The following UGT2B4 variants were observed in gnomAD, a reference collection of about 807,000 sequenced individuals.
UGT2B4 encodes UDP-glucuronosyltransferase 2B4.
A neutral mutation model predicts 49.8 loss-of-function variants in UGT2B4; 49 were observed. The ratio of observed to expected loss-of-function variants is 0.98; its 90% CI spans 0.78 to 1.25. UGT2B4 has a LOEUF of 1.25. Among genes scored for constraint, UGT2B4 ranks in the 50% most tolerant of loss-of-function variants. The pLI, the probability that UGT2B4 is intolerant of heterozygous loss-of-function variation, is 0.00. For missense variants in UGT2B4, 729 were observed against 627.7 expected (o/e 1.16, Z -1.73); for synonymous variants, 246 against 217.7 (o/e 1.13, Z -1.14).
In UGT2B4 at chr4:69,493,557, C is replaced by T. The variant is rs1394693134; in HGVS notation, c.870+136G>A. On this transcript the variant is annotated intron_variant, in intron 2 of 5. Transcript: ENST00000305107. Reference sequence around the variant, plus strand: ...AAACTTGTGATAGTATCAACATGTACGTCAGTTTCTAATTGGTATCTGCTT... The same window carrying T: ...AAACTTGTGATAGTATCAACATGTATGTCAGTTTCTAATTGGTATCTGCTT... 1.4e-5 allele frequency: 14 copies of T among 1,009,130 alleles called. No individual in the cohort carries two copies. The Admixed American group carries it at 1.9e-4, about 14-fold the overall frequency. The allele number at this position is 1,009,130 out of a possible 1,614,324, so 62.5% of individuals were successfully genotyped here. A position where few individuals can be genotyped will look rare whatever the true frequency, so the allele number is the denominator to read the frequency against.
chr4:69,514,801 C>T (rs1448324982), intron 1 of UGT2B4, among the ~76,000 whole-genome samples: 1 of 152,028 alleles, frequency 6.6e-6, no homozygotes, highest in African/African-American at 2.4e-5. Context: ...AGACACATCT[C>T]ACACGTGAAG....
chr4:69,491,260 T>A (rs914957304), intron 2 of UGT2B4, among the ~76,000 whole-genome samples: 1 of 152,064 alleles, frequency 6.6e-6, no homozygotes, highest in South Asian at 2.1e-4. Context: ...TGACTGTAAC[T>A]GAATATTTTA....
In UGT2B4 at chr4:69,495,394, A is replaced by T; in HGVS notation, c.468T>A (p.Phe156Leu). ...DVVLADAVFP[F>L]GELLAELLKI... is the part of the protein sequence containing the mutation. ...TAAGTAACTCGGCCAGCAGCTCACCAAAGGGGAAAACAGCATCTGCAAGAA... is the reference window on the plus strand; with the variant it reads ...TAAGTAACTCGGCCAGCAGCTCACCTAAGGGGAAAACAGCATCTGCAAGAA... The change falls in exon 1 of 6, where the codon TTT becomes TTA. Residue 156 changes from phenylalanine (F) to leucine (L), a missense_variant. Transcript: ENST00000305107. 6.2e-7 allele frequency: 1 copy of T among 1,614,010 alleles called. No homozygotes were observed. The highest frequency in any genetic ancestry group is 8.5e-7 in the Non-Finnish European group (1 of 1,179,968).
chr4:69,500,606 G>GAAGAAAGAAAGAAAGAAAGA (rs61653936), upstream of UGT2B4, among the ~76,000 whole-genome samples: 296 of 99,530 alleles, frequency 3.0e-3, 4 homozygotes, highest in African/African-American at 6.3e-3. Context: ...AGAAAGCAAG[G>GAAGAAAGAAAGAAAGAAAGA]AAGAAAGAAA....
rs1388010790 is a variant in UGT2B4, at chr4:69,495,354, A to G, written c.508T>C (p.Tyr170His). Residue 170 changes from tyrosine to histidine, a missense_variant, in exon 1 of 6, where the codon TAC (tyrosine) becomes CAC (histidine). Transcript: ENST00000305107. Reference protein sequence around the residue: ...LAELLKIPFVYSLRFSPGYAI... With the variant: ...LAELLKIPFVHSLRFSPGYAI... ...TAGCCAGGAGAGAAGCGGAGGCTGT[A>G]GACAAAGGGTATTTTAAGTAACTCG... The G allele has an allele frequency of 6.2e-7, 1 of 1,613,766 alleles. No homozygotes were observed. Among genetic ancestry groups the G allele is most frequent in the South Asian group, 1.1e-5 (1 of 91,034 alleles).
At chr4:69,525,787 A>T in exon 1 of UGT2B4, 1 of 1,168,354 alleles carries the variant, frequency 8.6e-7, no homozygotes, top group South Asian at 1.4e-5. Flanking sequence ...CAAGTTGACT[A>T]ACATTTATGT....
rs768349944 is a variant in UGT2B4, at chr4:69,495,187, T to A, written c.675A>T (p.Gln225His). 1 of 1,584,544 alleles carries A rather than the reference T, an allele frequency of 6.3e-7. No homozygotes were observed. The highest frequency in any genetic ancestry group is 2.2e-5 in the East Asian group (1 of 44,688). The change falls in exon 1 of 6, where the codon CAA (glutamine) becomes CAT (histidine). Residue 225 changes from glutamine (Q) to histidine (H), a missense_variant. Transcript: ENST00000305107. The stretch of plus-strand genomic sequence containing the variant: ...GATCCCACTTCTTCATGTCAAATAT[T>A]TGGAACCAAAATTCAAAATAAAGCA... ...IYVLYFEFWF[Q>H]IFDMKKWDQF...
At position 69,495,169 on chromosome 4, in the gene UGT2B4, CT is replaced by C. The variant is rs1560436031; in HGVS notation, c.692del (p.Lys231SerfsTer10). The C allele has an allele frequency of 6.4e-7, 1 of 1,574,346 alleles. No homozygotes were observed. Among genetic ancestry groups the C allele is most frequent in the African/African-American group, 1.4e-5 (1 of 73,302 alleles). On this transcript the variant is annotated frameshift_variant, in exon 1 of 6. Coordinates refer to ENST00000305107, the MANE Select transcript of UGT2B4 (RefSeq NM_021139.3). LOFTEE classifies it high-confidence loss of function. ...EFWFQIFDMK[K>X]WDQFYSEVLG... ...GAACTTCACTGTAGAACTGATCCCA[CT>C]TCTTCATGTCAAATATTTGGAACCA...
upstream of UGT2B4, among the ~76,000 whole-genome samples, chr4:69,496,889 AG>A (rs1395969494): frequency 6.6e-6 from 1 of 151,934 alleles, no homozygotes; most frequent in Non-Finnish European, 1.5e-5. Flanking sequence ...TGATTTAGAG[AG>A]TTTCAAGATG....
rs183743551 is a variant in UGT2B4 at position 69,486,681 on chromosome 4, C to A, written c.1018G>T (p.Asp340Tyr). 1.0e-4 allele frequency: 163 copies of A among 1,607,446 alleles called. No homozygotes were observed. The highest frequency in any genetic ancestry group is 1.2e-4 in the Admixed American group (7 of 58,286). Reference sequence around the variant, plus strand: ...CCTAAAGTATCTGGTTTATTCCCATCAAATCTCCACAGAACCTGTTACAGT... The same window carrying A: ...CCTAAAGTATCTGGTTTATTCCCATAAAATCTCCACAGAACCTGTTACAGT... ...KIPQKVLWRF[D>Y]GNKPDTLGLN... The change falls in exon 4 of 6, where the codon GAT (aspartate) becomes TAT (tyrosine). Residue 340 changes from aspartate (D) to tyrosine (Y), a missense_variant. Asp to Tyr is a radical substitution (Grantham distance 160). Coordinates refer to ENST00000305107, the MANE Select transcript of UGT2B4 (RefSeq NM_021139.3).
chr4:69,497,380 G>T (rs756624099), upstream of UGT2B4, among the ~76,000 whole-genome samples: 2 of 152,214 alleles, frequency 1.3e-5, no homozygotes, highest in Non-Finnish European at 2.9e-5. Context: ...TCCTTGAGGA[G>T]GTAAGTTTGA....
At chr4:69,514,756 C>T (rs547460883) in intron 1 of UGT2B4, among the ~76,000 whole-genome samples, 1 of 152,220 alleles carries the variant, frequency 6.6e-6, no homozygotes, top group African/African-American at 2.4e-5. Flanking sequence ...TGAGGAATCA[C>T]ATTTATTGAT....
At chr4:69,494,850 A>C (rs1315827445) in intron 1 of UGT2B4, among the ~76,000 whole-genome samples, 2 of 152,172 alleles carry the variant, frequency 1.3e-5, no homozygotes, top group African/African-American at 4.8e-5. Flanking sequence ...AGATGAAAAA[A>C]TGTATAATAA....
chr4:69,485,653 G>T (rs1727759395), intron 4 of UGT2B4, among the ~76,000 whole-genome samples: 1 of 151,620 alleles, frequency 6.6e-6, no homozygotes, highest in Admixed American at 6.6e-5. Context: ...ATTACCAGTT[G>T]AACTAACAAA....
In UGT2B4 at chr4:69,485,269, A is replaced by G. The variant is rs768988461; in HGVS notation, c.1249T>C (p.Phe417Leu). 1 of 1,614,026 alleles carries G rather than the reference A, an allele frequency of 6.2e-7. No homozygotes were observed. Among genetic ancestry groups the G allele is most frequent in the Non-Finnish European group, 8.5e-7 (1 of 1,179,962 alleles). The part of the protein sequence containing the change: ...KAKGAAVSLD[F>L]HTMSSTDLLN... Reference sequence around the variant, plus strand: ...AAGTCTGTACTCGACATTGTGTGGAAGTCCAAACTAACAGCTGCTCCCTTG... The same window carrying G: ...AAGTCTGTACTCGACATTGTGTGGAGGTCCAAACTAACAGCTGCTCCCTTG... The change falls in exon 5 of 6, where the codon TTC (phenylalanine) becomes CTC (leucine). Residue 417 changes from phenylalanine to leucine, a missense_variant. Physicochemically the swap from Phe to Leu is conservative, Grantham distance 22. Coordinates refer to ENST00000305107, the MANE Select transcript of UGT2B4 (RefSeq NM_021139.3).
At chr4:69,488,763 C>T (rs1045808411) in intron 3 of UGT2B4, among the ~76,000 whole-genome samples, 10 of 151,964 alleles carry the variant, frequency 6.6e-5, no homozygotes, top group African/African-American at 2.4e-4. Context: ...CCATCTCCAC[C>T]CTTTCTCTTT....
rs1727567245 is a variant in UGT2B4 at position 69,480,917 on chromosome 4, G to T, written c.1311-7C>A. ...CATAGCATTCTCTTTATATCTAAAC[G>T]ATAAGCAGAAAAGTATCAACATTGA... On this transcript the variant is annotated splice_region_variant and splice_polypyrimidine_tract_variant and intron_variant, in intron 5 of 5. Transcript: ENST00000305107. 4 of 1,611,902 alleles carry T rather than the reference G, an allele frequency of 2.5e-6. No homozygotes were observed. The highest frequency in any genetic ancestry group is 3.4e-6 in the Non-Finnish European group (4 of 1,178,668).
upstream of UGT2B4, among the ~76,000 whole-genome samples, chr4:69,500,606 GAAGA>G (rs61653936): frequency 9.3e-3 from 928 of 99,548 alleles, 9 homozygotes; most frequent in South Asian, 0.02. Flanking sequence ...AGAAAGCAAG[GAAGA>G]AAGAAAGAAA....
intron 1 of UGT2B4, among the ~76,000 whole-genome samples, chr4:69,521,488 C>T (rs1280521453): frequency 6.6e-6 from 1 of 152,194 alleles, no homozygotes; most frequent in Admixed American, 6.5e-5. Flanking sequence ...TCACACAGAA[C>T]TGGTACCTGT....
Sources: allele counts gnomAD v4.1 joint callset (sites outside exome capture counted in the v4.1 genomes callset), GRCh38; gene constraint gnomAD v4.1.1; transcripts MANE v1.5; gene names NCBI Gene and HGNC (gene_info 2026-07-23, HGNC 2026-07-21).